Variants in GRIP1 observed in about 807,000 individuals in gnomAD.
The protein encoded by GRIP1 is glutamate receptor interacting protein 1.
GRIP1 carries 45 observed loss-of-function variants against 129.9 expected under a neutral mutation model. The ratio of observed to expected loss-of-function variants is 0.35; its 90% CI spans 0.27 to 0.44. GRIP1 has a LOEUF of 0.44. Ranked by LOEUF, GRIP1 falls within the 20% of genes least tolerant of loss-of-function variation. The probability of loss-of-function intolerance (pLI) is 1.00; values close to 1 mark genes in which losing one functional copy is unlikely to be tolerated. For missense variants in GRIP1, 1,196 were observed against 1,396.8 expected (o/e 0.86, Z 2.29); for synonymous variants, 530 against 520.8 (o/e 1.02, Z -0.24).
chr12:66,404,890 G>A (rs1172763865), intron 16 of GRIP1, among the ~76,000 whole-genome samples: 2 of 152,100 alleles, frequency 1.3e-5, no homozygotes, highest in African/African-American at 2.4e-5. Context: ...CAATTAGCCA[G>A]GAAAGGTGAC....
At chr12:66,651,868 G>T (rs1422984957) in intron 1 of GRIP1, among the ~76,000 whole-genome samples, 1 of 151,896 alleles carries the variant, frequency 6.6e-6, no homozygotes, top group Admixed American at 6.6e-5. Context: ...CTAGAATGAA[G>T]AAGGGACCAA....
intron 24 of GRIP1, among the ~76,000 whole-genome samples, chr12:66,349,799 TAGTGAGACCC>T (rs2137053263): frequency 7.1e-6 from 1 of 141,650 alleles, no homozygotes; most frequent in South Asian, 2.3e-4. Flanking sequence ...CTGGGCAACA[TAGTGAGACCC>T]TGTCTCTACT....
intron 1 of GRIP1, among the ~76,000 whole-genome samples, chr12:66,863,459 G>T (rs193042732): frequency 3.3e-5 from 5 of 152,242 alleles, no homozygotes; most frequent in East Asian, 3.9e-4. Flanking sequence ...AGTGTGTTTA[G>T]TCATCAGAGA....
chr12:66,397,110 C>CGAA (rs1555177279), intron 16 of GRIP1, among the ~76,000 whole-genome samples: 1 of 60,216 alleles, frequency 1.7e-5, no homozygotes, highest in Non-Finnish European at 2.8e-5. Flanking sequence ...GACTCTGTCT[C>CGAA]AAAAAAAAAA....
At chr12:66,519,687 G>C (rs755444496) in intron 5 of GRIP1, among the ~76,000 whole-genome samples, 3 of 152,192 alleles carry the variant, frequency 2.0e-5, no homozygotes, top group Non-Finnish European at 4.4e-5. Flanking sequence ...ACCACTCAGA[G>C]ACCAGTGATA....
At chr12:67,047,330 C>CA (rs1273683684) in intron 1 of GRIP1, among the ~76,000 whole-genome samples, 1 of 151,980 alleles carries the variant, frequency 6.6e-6, no homozygotes, top group Admixed American at 6.6e-5. Context: ...TGAGACACAG[C>CA]AAAAAATAAT....
intron 1 of GRIP1, among the ~76,000 whole-genome samples, chr12:66,633,348 G>A (rs1046288063): frequency 1.3e-5 from 2 of 149,624 alleles, no homozygotes; most frequent in African/African-American, 4.9e-5. Flanking sequence ...ATGGGGTTTT[G>A]CCATGTTGCC....
intron 4 of GRIP1, among the ~76,000 whole-genome samples, chr12:66,534,653 T>G (rs1392706198): frequency 6.6e-6 from 1 of 151,812 alleles, no homozygotes; most frequent in Non-Finnish European, 1.5e-5. Flanking sequence ...CCTCTTTCTC[T>G]CTTCCCTTCC....
intron 1 of GRIP1, among the ~76,000 whole-genome samples, chr12:66,733,527 T>C (rs2036504669): frequency 6.6e-6 from 1 of 152,040 alleles, no homozygotes; most frequent in African/African-American, 2.4e-5. Flanking sequence ...CAGGCAGCCA[T>C]CTTGGGGCCT....
intron 15 of GRIP1, among the ~76,000 whole-genome samples, chr12:66,417,514 G>T (rs942514360): frequency 2.6e-5 from 4 of 152,102 alleles, no homozygotes; most frequent in Non-Finnish European, 5.9e-5. Context: ...CTTGCTTGCA[G>T]AAGACATGAT....
chr12:66,735,828 A>G (rs1052292940), intron 1 of GRIP1, among the ~76,000 whole-genome samples: 2 of 152,122 alleles, frequency 1.3e-5, no homozygotes, highest in Admixed American at 1.3e-4. Context: ...CCAGGTCTTA[A>G]TCATTTTCAG....
At chr12:66,940,024 T>C (rs1307347450) in intron 1 of GRIP1, among the ~76,000 whole-genome samples, 1 of 152,134 alleles carries the variant, frequency 6.6e-6, no homozygotes, top group Non-Finnish European at 1.5e-5. Flanking sequence ...TTCTAAAAGG[T>C]ATAATATGAA....
At chr12:66,723,296 CTTTCTTTCTTTTT>C (rs1565988074) in intron 1 of GRIP1, among the ~76,000 whole-genome samples, 1,183 of 21,926 alleles carry the variant, frequency 0.054, 145 homozygotes, top group East Asian at 0.25. Context: ...TTCTTTCTTT[CTTTCTTTCTTTTT>C]TTTTTTTTTT....
chr12:66,773,136 T>C (rs755086534), intron 1 of GRIP1, among the ~76,000 whole-genome samples: 1 of 152,180 alleles, frequency 6.6e-6, no homozygotes, highest in Non-Finnish European at 1.5e-5. Context: ...TCGTAGTTAC[T>C]GAGGTCCGCA....
chr12:66,349,909 A>G (rs150816388), intron 24 of GRIP1, among the ~76,000 whole-genome samples: 22 of 152,058 alleles, frequency 1.4e-4, no homozygotes, highest in South Asian at 1.0e-3. Flanking sequence ...CACCAACACA[A>G]GTTTTTAAAA....
At chr12:66,520,247 T>G (rs1445658953) in intron 5 of GRIP1, among the ~76,000 whole-genome samples, 1 of 152,346 alleles carries the variant, frequency 6.6e-6, no homozygotes, top group East Asian at 1.9e-4. Context: ...TAATATTTAC[T>G]CACAGCACTT....
At chr12:66,409,519 C>G (rs1212565018) in intron 15 of GRIP1, among the ~76,000 whole-genome samples, 1 of 152,184 alleles carries the variant, frequency 6.6e-6, no homozygotes, top group Non-Finnish European at 1.5e-5. Flanking sequence ...AAACTTAGAT[C>G]ACAACACCCA....
intron 1 of GRIP1, among the ~76,000 whole-genome samples, chr12:66,856,018 G>A (rs890329727): frequency 6.6e-6 from 1 of 151,874 alleles, no homozygotes; most frequent in Non-Finnish European, 1.5e-5. Context: ...CAGTGATTGT[G>A]AGCCCAGAAA....
chr12:66,924,734 G>A (rs376003098), intron 1 of GRIP1, among the ~76,000 whole-genome samples: 41 of 152,264 alleles, frequency 2.7e-4, no homozygotes, highest in African/African-American at 8.4e-4. Flanking sequence ...TTGGGAGGCC[G>A]AGGCGGGTGG....
Sources: allele counts gnomAD v4.1 joint callset (sites outside exome capture counted in the v4.1 genomes callset), GRCh38; gene constraint gnomAD v4.1.1; transcripts MANE v1.5; gene names NCBI Gene and HGNC (gene_info 2026-07-23, HGNC 2026-07-21).